SLC9B1: variants seen among roughly 807,000 people sequenced by gnomAD.
The protein encoded by SLC9B1 is solute carrier family 9 member B1, also known as sodium/hydrogen exchanger 9B1.
A neutral mutation model predicts 51.7 loss-of-function variants in SLC9B1; 32 were observed. The ratio of observed to expected loss-of-function variants is 0.62; its 90% CI spans 0.47 to 0.83. The LOEUF (loss-of-function observed/expected upper bound fraction) is 0.83, where lower values mean the gene tolerates loss of function less well. Ranked by LOEUF, SLC9B1 falls within the 40% of genes least tolerant of loss-of-function variation. The pLI, the probability that SLC9B1 is intolerant of heterozygous loss-of-function variation, is 0.00. For missense variants in SLC9B1, 406 were observed against 613.2 expected (o/e 0.66, Z 3.57); for synonymous variants, 145 against 212.7 (o/e 0.68, Z 2.77).
chr4:102,899,350 T>C (rs1734683175), downstream of SLC9B1, among the ~76,000 whole-genome samples: 1 of 150,184 alleles, frequency 6.7e-6, no homozygotes, highest in South Asian at 2.1e-4. Context: ...ATAAACTTTC[T>C]ACTTTGAAAT....
chr4:102,955,049 A>C (rs1020182984), intron 3 of SLC9B1, among the ~76,000 whole-genome samples: 9 of 152,180 alleles, frequency 5.9e-5, no homozygotes, highest in Non-Finnish European at 1.0e-4. Context: ...TAAAAGTCTG[A>C]GCCCTTCCTG....
chr4:103,016,820 T>A (rs955835186), intron 1 of SLC9B1: 2 of 152,196 alleles, frequency 1.3e-5, no homozygotes, highest in East Asian at 3.9e-4. Flanking sequence ...TATTCTTCCA[T>A]CTCTTTTGTT....
chr4:102,927,147 C>A (rs912030531), intron 7 of SLC9B1, among the ~76,000 whole-genome samples: 2 of 152,158 alleles, frequency 1.3e-5, no homozygotes, highest in African/African-American at 4.8e-5. Flanking sequence ...CATAAAAACC[C>A]TAGAAGAAAA....
intron 3 of SLC9B1, among the ~76,000 whole-genome samples, chr4:102,977,297 T>TAAAAAAAAAA (rs3974480): frequency 7.7e-6 from 1 of 129,324 alleles, no homozygotes; most frequent in Admixed American, 7.8e-5. Context: ...TATTATAACT[T>TAAAAAAAAAA]AAAAAAAAAA....
In SLC9B1 at chr4:102,991,598, G is replaced by A. The variant is rs565704532; in HGVS notation, c.69+45C>T. On this transcript the variant is annotated intron_variant, in intron 2 of 11. Coordinates refer to ENST00000296422, the MANE Select transcript of SLC9B1 (RefSeq NM_139173.4). ...AAATTAGGAATAAATTTTAAGATCA[G>A]GTTGATTTTATATCATATATTACAG... The A allele has an allele frequency of 1.3e-5, 16 of 1,231,354 alleles. No individual in the cohort carries two copies. The African/African-American group carries it at 2.5e-4, about 19-fold the overall frequency. The allele number at this position is 1,231,354 out of a possible 1,614,324, so 76.3% of individuals were successfully genotyped here.
exon 12 of SLC9B1, chr4:102,885,123 G>A: frequency 7.7e-6 from 8 of 1,039,100 alleles, no homozygotes; most frequent in Non-Finnish European, 1.2e-5. Flanking sequence ...AATGTAAAAA[G>A]TAACAAAGAA....
chr4:102,969,789 C>A (rs559777308), intron 3 of SLC9B1, among the ~76,000 whole-genome samples: 144 of 152,252 alleles, frequency 9.5e-4, no homozygotes, highest in Middle Eastern at 3.4e-3. Context: ...TAGAGAAGAC[C>A]TTTAATGACC....
In SLC9B1 at chr4:102,944,433, T is replaced by C. The variant is rs191910286; in HGVS notation, c.653+760A>G. ...AGAGTTGTCACTTTGGGTAGAGTTA[T>C]GGGCATTATGATTTGAAGGCATATT... On this transcript the variant is annotated intron_variant, in intron 6 of 11. Coordinates refer to ENST00000296422, the MANE Select transcript of SLC9B1 (RefSeq NM_139173.4). Among the ~76,000 whole-genome samples, 69 of 152,330 alleles carry C rather than the reference T, an allele frequency of 4.5e-4. 1 individual carries two copies. The East Asian group carries it at 0.013, about 28-fold the overall frequency.
At chr4:102,963,986 T>A (rs1008139834) in intron 3 of SLC9B1, among the ~76,000 whole-genome samples, 3 of 151,854 alleles carry the variant, frequency 2.0e-5, no homozygotes, top group Non-Finnish European at 2.9e-5. Flanking sequence ...CAGAACAGGA[T>A]AACATTAAAA....
intron 7 of SLC9B1, among the ~76,000 whole-genome samples, chr4:102,911,777 A>T (rs1735349323): frequency 1.3e-5 from 2 of 152,300 alleles, no homozygotes; most frequent in South Asian, 4.1e-4. Flanking sequence ...TTATGTAAAT[A>T]GGCCAGAAAA....
chr4:102,893,839 G>C (rs1734399244), intron 11 of SLC9B1, among the ~76,000 whole-genome samples: 1 of 152,056 alleles, frequency 6.6e-6, no homozygotes. Flanking sequence ...AGGTTGCAGT[G>C]AGCCGAGATC....
rs780449713 is a variant in SLC9B1, at chr4:102,978,837, C to T, written c.211+10963G>A. On this transcript the variant is annotated intron_variant, in intron 3 of 11. Transcript: ENST00000296422. ...GGGTATATAACCAAAGGATTAAAAA[C>T]GTGTTCTTATTTTTAGGATAATACT... is the stretch of plus-strand genomic sequence containing the variant. Among the ~76,000 whole-genome samples the T allele has an allele frequency of 6.6e-5, 10 of 152,184 alleles. 1 individual carries two copies. Among genetic ancestry groups the T allele is most frequent in the Admixed American group, 1.3e-4 (2 of 15,278 alleles).
At chr4:102,894,686 G>A (rs1452351779) in intron 11 of SLC9B1, among the ~76,000 whole-genome samples, 2 of 152,212 alleles carry the variant, frequency 1.3e-5, no homozygotes, top group Non-Finnish European at 2.9e-5. Context: ...GCTAGGCGCA[G>A]TGGCTCATAC....
chr4:102,999,348 T>C (rs775962727), intron 1 of SLC9B1, among the ~76,000 whole-genome samples: 6 of 152,238 alleles, frequency 3.9e-5, no homozygotes, highest in Non-Finnish European at 5.9e-5. Flanking sequence ...ACTTTTGGCA[T>C]CATAGCCGAG....
intron 3 of SLC9B1, among the ~76,000 whole-genome samples, chr4:102,978,075 T>C (rs1739167331): frequency 6.6e-6 from 1 of 152,176 alleles, no homozygotes; most frequent in African/African-American, 2.4e-5. Flanking sequence ...TTTTTGTCCT[T>C]GCGATAGTTT....
intron 3 of SLC9B1, among the ~76,000 whole-genome samples, chr4:102,950,642 C>T (rs1737501592): frequency 6.6e-6 from 1 of 152,180 alleles, no homozygotes. Flanking sequence ...TTCCTCCTCC[C>T]CTCTGATTAT....
intron 1 of SLC9B1, among the ~76,000 whole-genome samples, chr4:102,998,428 C>A (rs923854866): frequency 2.0e-5 from 3 of 152,050 alleles, no homozygotes; most frequent in African/African-American, 7.2e-5. Context: ...TTTTGTTTAT[C>A]CATTCATCTA....
intron 3 of SLC9B1, among the ~76,000 whole-genome samples, chr4:102,987,857 C>T (rs773977287): frequency 1.1e-4 from 16 of 152,152 alleles, no homozygotes; most frequent in South Asian, 6.2e-4. Flanking sequence ...TGTCTAATCA[C>T]TCCTATTTTT....
At chr4:102,982,129 A>G (rs1739395574) in intron 3 of SLC9B1, among the ~76,000 whole-genome samples, 1 of 151,828 alleles carries the variant, frequency 6.6e-6, no homozygotes, top group Non-Finnish European at 1.5e-5. Context: ...GTGGAGGTCC[A>G]TATGTTTTGT....
Sources: allele counts gnomAD v4.1 joint callset (sites outside exome capture counted in the v4.1 genomes callset), GRCh38; gene constraint gnomAD v4.1.1; transcripts MANE v1.5; gene names NCBI Gene and HGNC (gene_info 2026-07-23, HGNC 2026-07-21).